The following NFAT5 variants were observed in gnomAD, a reference collection of about 807,000 sequenced individuals.
NFAT5 encodes the protein nuclear factor of activated T-cells 5.
A neutral mutation model predicts 166.5 loss-of-function variants in NFAT5; 31 were observed. The ratio of observed to expected loss-of-function variants is 0.19; its 90% CI spans 0.14 to 0.25. The LOEUF is 0.25. Ranked by LOEUF, NFAT5 falls within the 10% of genes least tolerant of loss-of-function variation. NFAT5 has a pLI of 1.00. For synonymous variants in NFAT5, 612 were observed against 639.7 expected (o/e 0.96, Z 0.65); for missense variants, 1,449 against 1,821.8 (o/e 0.80, Z 3.72).
intron 14 of NFAT5, 128 bp downstream of exon 14, chr16:69,695,507 T>C: frequency 1.5e-6 from 1 of 682,796 alleles, no homozygotes; most frequent in East Asian, 2.7e-5. Context: ...ACTTTTTTAC[T>C]CTGAATAAAA....
chr16:69,606,864 A>G (rs769643886), intron 2 of NFAT5, among the ~76,000 whole-genome samples: 16 of 152,202 alleles, frequency 1.1e-4, no homozygotes, highest in Non-Finnish European at 1.5e-4. Flanking sequence ...AACAACAACA[A>G]CAACAAAAGG....
At chr16:69,603,226 T>A (rs1200593355) in intron 2 of NFAT5, among the ~76,000 whole-genome samples, 1 of 152,218 alleles carries the variant, frequency 6.6e-6, no homozygotes, top group East Asian at 1.9e-4. Flanking sequence ...ATTTTTATGA[T>A]ATATCACCTT....
At chr16:69,667,282 C>G (rs537673904) in intron 7 of NFAT5, among the ~76,000 whole-genome samples, 1 of 151,674 alleles carries the variant, frequency 6.6e-6, no homozygotes, top group South Asian at 2.1e-4. Flanking sequence ...TGTAACTAAC[C>G]TGCACATTGT....
chr16:69,645,615 G>A (rs977252056), intron 3 of NFAT5, among the ~76,000 whole-genome samples: 1 of 151,940 alleles, frequency 6.6e-6, no homozygotes, highest in African/African-American at 2.4e-5. Flanking sequence ...CTTACATTTT[G>A]CTCTTTATAT....
intron 6 of NFAT5, 97 bp downstream of exon 6, chr16:69,655,896 A>G: frequency 1.1e-6 from 1 of 874,306 alleles, no homozygotes. Flanking sequence ...TGCGTATTTT[A>G]TTAAAATGTT....
rs1395589429 is a variant in NFAT5 at position 69,647,140 on chromosome 16, A to G, written c.366A>G (p.Gln122=). ...CAGTCACCGACAGCAAGGCTATGCA[A>G]GTGGAGAGCTGCTCCTCAGCCGTGG... is the stretch of plus-strand genomic sequence containing the variant. ...STSVTDSKAM[Q]VESCSSAVGV... Residue 122 remains glutamine, a synonymous_variant, in exon 4 of 15, where the codon CAA becomes CAG. Coordinates refer to ENST00000349945, the MANE Select transcript of NFAT5 (RefSeq NM_138713.4). The surrounding 1 kb of genome is among the most constrained non-coding windows in gnomAD (Gnocchi z 4.8). The G allele has an allele frequency of 1.9e-6, 3 of 1,614,120 alleles. No individual in the cohort carries two copies. Among genetic ancestry groups the G allele is most frequent in the Admixed American group, 1.7e-5 (1 of 60,002 alleles).
chr16:69,567,314 A>C (rs2016124636), intron 1 of NFAT5, among the ~76,000 whole-genome samples: 1 of 152,204 alleles, frequency 6.6e-6, no homozygotes, highest in Admixed American at 6.5e-5. Context: ...ACTCAGGTGA[A>C]ATTCCTTTAC....
intron 11 of NFAT5, among the ~76,000 whole-genome samples, chr16:69,687,310 G>A (rs2037345348): frequency 6.6e-6 from 1 of 151,998 alleles, no homozygotes; most frequent in African/African-American, 2.4e-5. Context: ...GCGTGGTGGT[G>A]TGTGCTTGTA....
chr16:69,580,282 CT>C, intron 2 of NFAT5, among the ~76,000 whole-genome samples: 1 of 152,132 alleles, frequency 6.6e-6, no homozygotes, highest in Non-Finnish European at 1.5e-5. Flanking sequence ...ATTCCCAGCA[CT>C]TTGGGAGGCC....
chr16:69,614,062 T>C (rs183981203), intron 2 of NFAT5, among the ~76,000 whole-genome samples: 1 of 152,380 alleles, frequency 6.6e-6, no homozygotes, highest in East Asian at 1.9e-4. Context: ...TATTTGGTTT[T>C]GTTTGATTTT....
intron 2 of NFAT5, among the ~76,000 whole-genome samples, chr16:69,598,747 G>A (rs1037788047): frequency 5.3e-5 from 8 of 152,104 alleles, no homozygotes; most frequent in Admixed American, 3.3e-4. Flanking sequence ...AGCGTAGGCC[G>A]GGCACGATGG....
At chr16:69,583,594 A>G (rs1429994256) in intron 2 of NFAT5, among the ~76,000 whole-genome samples, 1 of 152,176 alleles carries the variant, frequency 6.6e-6, no homozygotes, top group Non-Finnish European at 1.5e-5. Context: ...GTAAAATATT[A>G]GAATCAGTCA....
At chr16:69,572,947 A>G (rs2016527292) in intron 2 of NFAT5, among the ~76,000 whole-genome samples, 1 of 152,058 alleles carries the variant, frequency 6.6e-6, no homozygotes, top group African/African-American at 2.4e-5. Flanking sequence ...GGTTTAAGTG[A>G]TTGTCCTGCC....
chr16:69,690,581 G>A (rs1259708227), intron 11 of NFAT5: 1 of 153,064 alleles, frequency 6.5e-6, no homozygotes, highest in Admixed American at 6.5e-5. Flanking sequence ...GTTTGTAATT[G>A]AGTAGCTTTA....
intron 2 of NFAT5, among the ~76,000 whole-genome samples, chr16:69,612,642 T>G (rs2033756177): frequency 6.6e-6 from 1 of 151,982 alleles, no homozygotes. Context: ...GCCCAAGAAT[T>G]GGAGACCAGA....
intron 2 of NFAT5, among the ~76,000 whole-genome samples, chr16:69,601,453 G>C (rs1198164315): frequency 1.3e-5 from 2 of 152,038 alleles, no homozygotes; most frequent in African/African-American, 2.4e-5. Flanking sequence ...CTGTAGCCTC[G>C]ACCTCCTGGG....
chr16:69,698,335 A>G lies in NFAT5; in HGVS notation c.*1984A>G, dbSNP rs2037827515. The G allele has an allele frequency of 6.6e-6, 1 of 152,490 alleles. No homozygotes were observed. Among genetic ancestry groups the G allele is most frequent in the Non-Finnish European group, 1.5e-5 (1 of 68,034 alleles). The allele number at this position is 152,490 out of a possible 1,614,324, so 9.4% of individuals were successfully genotyped here. ...CTATATTTTGTATTTAGGAAATGGT[A>G]TACTATTTTGCTATTTGTACTGAGT... On this transcript the variant is annotated 3_prime_UTR_variant, in exon 15 of 15. Coordinates refer to ENST00000349945, the MANE Select transcript of NFAT5 (RefSeq NM_138713.4).
Position 69,692,159 on chromosome 16 carries a change from T to C in NFAT5, c.2334T>C (p.Asn778=). 6.2e-7 allele frequency: 1 copy of C among 1,614,134 alleles called. No individual in the cohort carries two copies. Among genetic ancestry groups the C allele is most frequent in the Non-Finnish European group, 8.5e-7 (1 of 1,180,030 alleles). Residue 778 remains asparagine, a synonymous_variant, in exon 13 of 15, where the codon AAT becomes AAC. Coordinates refer to ENST00000349945, the MANE Select transcript of NFAT5 (RefSeq NM_138713.4). ...AQTLQQQISS[N]IFPSPNSVSQ... is the part of the protein sequence containing the mutation. ...CTTTACAGCAGCAGATTTCATCAAA[T>C]ATTTTTCCATCACCAAATAGTGTGA...
chr16:69,613,567 T>A (rs1188276403), intron 2 of NFAT5, among the ~76,000 whole-genome samples: 2 of 152,226 alleles, frequency 1.3e-5, no homozygotes, highest in Admixed American at 6.5e-5. Context: ...AATACTCTTT[T>A]TGTTCAGGTT....
Sources: allele counts gnomAD v4.1 joint callset (sites outside exome capture counted in the v4.1 genomes callset), GRCh38; gene constraint gnomAD v4.1.1; non-coding constraint Gnocchi (gnomAD v3.1); transcripts MANE v1.5; gene names NCBI Gene and HGNC (gene_info 2026-07-23, HGNC 2026-07-21).